The following GGNBP2 variants were observed in gnomAD, a reference collection of about 807,000 sequenced individuals.
GGNBP2 encodes the protein gametogenetin-binding protein 2.
Under a neutral mutation model 85.9 loss-of-function variants are expected in GGNBP2, and 10 were observed. The observed-to-expected ratio is 0.12, with a 90% CI of 0.07 to 0.20. GGNBP2 has a LOEUF of 0.20. Among genes scored for constraint, GGNBP2 ranks in the 10% least tolerant of loss-of-function variants. GGNBP2 has a pLI of 1.00. For missense variants in GGNBP2, 595 were observed against 857.8 expected (o/e 0.69, Z 3.83); for synonymous variants, 287 against 285.7 (o/e 1.00, Z -0.05).
chr17:36,563,071 G>A (rs909699123), intron 5 of GGNBP2, among the ~76,000 whole-genome samples: 1 of 150,922 alleles, frequency 6.6e-6, no homozygotes, highest in Non-Finnish European at 1.5e-5. Flanking sequence ...TTCGAGACCG[G>A]CCTGGCCAAC....
chr17:36,570,948 A>T (rs955976781), intron 6 of GGNBP2, among the ~76,000 whole-genome samples: 1 of 152,004 alleles, frequency 6.6e-6, no homozygotes, highest in Non-Finnish European at 1.5e-5. Context: ...GGAATCTGGG[A>T]GGCAGAGTTT....
chr17:36,548,015 C>A (rs763952601), intron 2 of GGNBP2, among the ~76,000 whole-genome samples: 6 of 152,210 alleles, frequency 3.9e-5, no homozygotes, highest in Non-Finnish European at 8.8e-5. Context: ...AAGGAAGATG[C>A]CCCTATCAGA....
At chr17:36,576,593 A>ATGTGTGTGTG (rs1401978308) in intron 6 of GGNBP2, 2 of 46,032 alleles carry the variant, frequency 4.3e-5, no homozygotes, top group African/African-American at 9.3e-5. Context: ...AAATATATAT[A>ATGTGTGTGTG]TATGTGTGTG....
At chr17:36,545,480 T>C in intron 1 of GGNBP2, 139 bp from the exon 2 acceptor site, 1 of 413,008 alleles carries the variant, frequency 2.4e-6, no homozygotes, top group East Asian at 3.6e-5. Flanking sequence ...TGGGCGCTGA[T>C]TGGCTGAGCG....
At chr17:36,563,614 G>A (rs1045761585) in intron 5 of GGNBP2, among the ~76,000 whole-genome samples, 1 of 146,074 alleles carries the variant, frequency 6.8e-6, no homozygotes, top group Non-Finnish European at 1.5e-5. Context: ...TTGAATGTTG[G>A]TTTGTATGAA....
chr17:36,558,956 T>C (rs748905515), intron 4 of GGNBP2, among the ~76,000 whole-genome samples: 14 of 151,880 alleles, frequency 9.2e-5, no homozygotes, highest in Non-Finnish European at 1.8e-4. Context: ...TTTGGATAGA[T>C]TGGTTGTGAG....
At chr17:36,579,708 G>T (rs2074626567) in intron 8 of GGNBP2, among the ~76,000 whole-genome samples, 2 of 152,204 alleles carry the variant, frequency 1.3e-5, no homozygotes. Context: ...ATAAGATGCT[G>T]CTATGAAACA....
chr17:36,570,677 T>C (rs2074514669), intron 6 of GGNBP2, among the ~76,000 whole-genome samples: 1 of 152,106 alleles, frequency 6.6e-6, no homozygotes, highest in East Asian at 1.9e-4. Flanking sequence ...CGCTCCAGCC[T>C]GGGCAACAAG....
intron 5 of GGNBP2, among the ~76,000 whole-genome samples, chr17:36,564,699 A>G (rs1282899171): frequency 6.6e-6 from 1 of 152,206 alleles, no homozygotes; most frequent in East Asian, 1.9e-4. Flanking sequence ...GATGGTCACC[A>G]CTATTAAATG....
Position 36,545,648 on chromosome 17 carries a change from G to A in GGNBP2, c.-77G>A. 8.7e-7 allele frequency: 1 copy of A among 1,152,234 alleles called. No homozygotes were observed. Among genetic ancestry groups the A allele is most frequent in the Non-Finnish European group, 1.3e-6 (1 of 787,566 alleles). 71.4% of individuals were successfully genotyped at this position (1,152,234 alleles called of 1,614,324 possible). A position where few individuals can be genotyped will look rare whatever the true frequency, so the allele number is the denominator to read the frequency against. On this transcript the variant is annotated 5_prime_UTR_variant, in exon 2 of 14. Transcript: ENST00000613102. ...GAGCTGGGAGGAGGCGGCAGCGGCGGCGGCAGAAACAGCAGCGGCGGCGGC... is the reference window on the plus strand; with the variant it reads ...GAGCTGGGAGGAGGCGGCAGCGGCGACGGCAGAAACAGCAGCGGCGGCGGC...
intron 5 of GGNBP2, among the ~76,000 whole-genome samples, chr17:36,562,684 C>T (rs887876381): frequency 1.3e-5 from 2 of 151,334 alleles, no homozygotes; most frequent in African/African-American, 4.8e-5. Context: ...AACATTTTAT[C>T]GGCCGGGTGC....
intron 5 of GGNBP2, among the ~76,000 whole-genome samples, chr17:36,561,390 G>A (rs1320817369): frequency 6.6e-6 from 1 of 152,036 alleles, no homozygotes; most frequent in Admixed American, 6.6e-5. Context: ...CCAAAGTGCT[G>A]GGATTACAGG....
intron 4 of GGNBP2, among the ~76,000 whole-genome samples, chr17:36,559,063 G>A (rs1321525055): frequency 6.6e-6 from 1 of 151,944 alleles, no homozygotes; most frequent in Non-Finnish European, 1.5e-5. Context: ...ACTTTGGGAG[G>A]TCGGTGAGGG....
At chr17:36,562,895 G>A (rs2074431664) in intron 5 of GGNBP2, among the ~76,000 whole-genome samples, 1 of 143,234 alleles carries the variant, frequency 7.0e-6, no homozygotes, top group Non-Finnish European at 1.5e-5. Context: ...AACCCAAGAG[G>A]TGGAGGTTGC....
rs780428305 is a variant in GGNBP2 at position 36,581,385 on chromosome 17, A to G, written c.1062A>G (p.Gln354=). ...EKVQGISRLE[Q]LCEEFSEEER... ...TACAGGGTATTAGCAGATTGGAACAACTTTGTGAGGAATTTTCAGAAGAGG... is the reference window on the plus strand; with the variant it reads ...TACAGGGTATTAGCAGATTGGAACAGCTTTGTGAGGAATTTTCAGAAGAGG... The change falls in exon 9 of 14, where the codon CAA becomes CAG. Residue 354 remains glutamine, a synonymous_variant. Coordinates refer to ENST00000613102, the MANE Select transcript of GGNBP2 (RefSeq NM_024835.5). 1.3e-5 allele frequency: 21 copies of G among 1,613,626 alleles called. No individual in the cohort carries two copies. The Admixed American group carries it at 2.0e-4, about 15-fold the overall frequency.
Position 36,558,628 on chromosome 17 carries a change from T to A in GGNBP2, c.428+1292T>A, listed in dbSNP as rs1032932511. Among the ~76,000 whole-genome samples the A allele has an allele frequency of 4.0e-5, 6 of 151,362 alleles. No homozygotes were observed. The East Asian group carries it at 1.2e-3, about 30-fold the overall frequency. On this transcript the variant is annotated intron_variant, in intron 4 of 13. Coordinates refer to ENST00000613102, the MANE Select transcript of GGNBP2 (RefSeq NM_024835.5). ...CCACTACCACGCTTGACTTTTTTTT[T>A]ATTTTTTAGTAGAGACAGGGTTTCG...
intron 2 of GGNBP2, among the ~76,000 whole-genome samples, chr17:36,548,867 C>T (rs1324215426): frequency 6.6e-6 from 1 of 151,652 alleles, no homozygotes; most frequent in Admixed American, 6.6e-5. Context: ...TTGATTGAAC[C>T]CCCAGAGGCG....
At chr17:36,569,978 T>A (rs747752203) in intron 6 of GGNBP2, among the ~76,000 whole-genome samples, 6 of 152,202 alleles carry the variant, frequency 3.9e-5, no homozygotes, top group Admixed American at 6.6e-5. Flanking sequence ...TAATAATAAT[T>A]AAGGCAGTGA....
intron 13 of GGNBP2, 62 bp downstream of exon 13, chr17:36,587,307 G>T: frequency 1.9e-6 from 3 of 1,560,102 alleles, no homozygotes; most frequent in Non-Finnish European, 2.6e-6. Flanking sequence ...ATGTGGGAGG[G>T]GATAGTATTT....
Sources: allele counts gnomAD v4.1 joint callset (sites outside exome capture counted in the v4.1 genomes callset), GRCh38; gene constraint gnomAD v4.1.1; transcripts MANE v1.5; gene names NCBI Gene and HGNC (gene_info 2026-07-23, HGNC 2026-07-21).